Variants in KATNAL2 observed in about 807,000 individuals in gnomAD.
KATNAL2 encodes the protein katanin p60 ATPase-containing subunit A-like 2.
KATNAL2 carries 52 observed loss-of-function variants against 76.3 expected under a neutral mutation model. The ratio of observed to expected loss-of-function variants is 0.68; its 90% CI spans 0.55 to 0.86. KATNAL2 has a LOEUF of 0.86. KATNAL2 is among the 40% of genes least tolerant of loss of function. KATNAL2 has a pLI of 0.00. For missense variants in KATNAL2, 660 were observed against 668.9 expected (o/e 0.99, Z 0.15); for synonymous variants, 243 against 244.2 (o/e 1.00, Z 0.05).
chr18:47,066,374 C>A (rs1415097701), intron 10 of KATNAL2, among the ~76,000 whole-genome samples: 3 of 152,072 alleles, frequency 2.0e-5, no homozygotes, highest in African/African-American at 7.2e-5. Flanking sequence ...ATTGATTATC[C>A]TAGATGGTTG....
At chr18:47,035,216 G>C (rs925004150) in intron 3 of KATNAL2, 1 of 1,612,702 alleles carries the variant, frequency 6.2e-7, no homozygotes, top group Middle Eastern at 2.0e-4. Flanking sequence ...GTGGCCAGAC[G>C]CACCTGCAGC....
rs141165886 is a variant in KATNAL2 at position 47,060,076 on chromosome 18, A to G, written c.549+422A>G. ...TAATGGTGCAATCATGGCTCACTGC[A>G]GCCTCAAACTCCTGGGCTCAAAGAA... On this transcript the variant is annotated intron_variant, in intron 8 of 17. Coordinates refer to ENST00000683218, the MANE Select transcript of KATNAL2 (RefSeq NM_001387690.1). 6.2e-4 allele frequency among the ~76,000 whole-genome samples: 94 copies of G among 150,918 alleles called. 1 individual carries two copies. In the East Asian group the frequency reaches 0.016, roughly 26 times the overall value.
intron 14 of KATNAL2, chr18:47,076,718 G>A (rs1321578695): frequency 6.6e-6 from 1 of 150,804 alleles, no homozygotes; most frequent in African/African-American, 2.4e-5. Context: ...ATAGTTATGG[G>A]CAAATGATAA....
At chr18:46,939,348 AAAAAG>A (rs889592538) in intron 1 of KATNAL2, among the ~76,000 whole-genome samples, 2 of 152,154 alleles carry the variant, frequency 1.3e-5, no homozygotes, top group Middle Eastern at 3.4e-3. Context: ...TAAAAAAAAA[AAAAAG>A]AAAAGAAAAG....
chr18:46,918,723 C>T (rs1289066659), intron 1 of KATNAL2, among the ~76,000 whole-genome samples: 2 of 152,046 alleles, frequency 1.3e-5, no homozygotes, highest in African/African-American at 2.4e-5. Context: ...CACCCGGCCT[C>T]CCCTCAAGTT....
chr18:46,936,044 T>C (rs1241939797), intron 1 of KATNAL2, among the ~76,000 whole-genome samples: 1 of 152,142 alleles, frequency 6.6e-6, no homozygotes, highest in African/African-American at 2.4e-5. Flanking sequence ...CAATTTCAAG[T>C]TTGTATGCAC....
chr18:47,081,526 T>A lies in KATNAL2; in HGVS notation c.1211+4065T>A, dbSNP rs888486981. Among the ~76,000 whole-genome samples the A allele has an allele frequency of 2.6e-5, 4 of 152,214 alleles. No homozygotes were observed. The South Asian group carries it at 8.3e-4, about 32-fold the overall frequency. On this transcript the variant is annotated intron_variant, in intron 15 of 17. Transcript: ENST00000683218. ...ACATCACACCTCAGTTTGGAATAAC[T>A]GGGTTTCAATACCCAAAAGCCACAT...
At chr18:47,052,432 T>C (rs1038816866) in intron 4 of KATNAL2, among the ~76,000 whole-genome samples, 1 of 152,228 alleles carries the variant, frequency 6.6e-6, no homozygotes, top group Non-Finnish European at 1.5e-5. Context: ...TGTGAATTAC[T>C]TCAATGATGG....
Position 46,932,989 on chromosome 18 carries a change from C to T in KATNAL2, c.-509-13068C>T, listed in dbSNP as rs530883351. Among the ~76,000 whole-genome samples the T allele has an allele frequency of 1.1e-3, 169 of 152,180 alleles. 1 individual carries two copies. Among genetic ancestry groups the T allele is most frequent in the African/African-American group, 3.9e-3 (160 of 41,548 alleles). ...TGTTGGCCAGGCTGGTCTCAAACTC[C>T]TGACCTCAGGTGATCCGCCCTCCTC... On this transcript the variant is annotated intron_variant, in intron 1 of 17. Transcript: ENST00000683218.
intron 3 of KATNAL2, among the ~76,000 whole-genome samples, chr18:46,948,203 C>T (rs908984434): frequency 7.2e-5 from 11 of 151,900 alleles, no homozygotes; most frequent in Admixed American, 3.9e-4. Flanking sequence ...CTCCACCTGC[C>T]GGGTTCAAGT....
chr18:47,055,135 C>T (rs999679064), intron 6 of KATNAL2, among the ~76,000 whole-genome samples: 1 of 152,174 alleles, frequency 6.6e-6, no homozygotes, highest in African/African-American at 2.4e-5. Flanking sequence ...GCATTCCTCT[C>T]GCCCCACTCC....
chr18:47,063,289 A>C lies in KATNAL2; in HGVS notation c.654A>C (p.Arg218=), dbSNP rs1325322506. ...CTTTCCGCTCCTCTCATCAGGAACG[A>C]CTGCTGAAACCTCTGAGTGCATTTA... ...TFDHNPDPSE[R]LLKPLSAFIG... is the part of the protein sequence containing the mutation. The change falls in exon 10 of 18, where the codon CGA becomes CGC. Residue 218 remains arginine, a synonymous_variant. Coordinates refer to ENST00000683218, the MANE Select transcript of KATNAL2 (RefSeq NM_001387690.1). 1.2e-6 allele frequency: 2 copies of C among 1,613,464 alleles called. No homozygotes were observed. Among genetic ancestry groups the C allele is most frequent in the Admixed American group, 3.3e-5 (2 of 59,872 alleles).
intron 3 of KATNAL2, among the ~76,000 whole-genome samples, chr18:47,031,375 C>T (rs112207366): frequency 4.0e-5 from 6 of 151,720 alleles, no homozygotes; most frequent in Non-Finnish European, 7.4e-5. Context: ...GGCAGTTTCG[C>T]GTAATTTTTA....
At chr18:47,065,484 C>A (rs899391001) in intron 10 of KATNAL2, among the ~76,000 whole-genome samples, 1 of 151,960 alleles carries the variant, frequency 6.6e-6, no homozygotes, top group African/African-American at 2.4e-5. Context: ...GAACCAATCT[C>A]TTCCATATGC....
At chr18:47,035,036 C>T in intron 3 of KATNAL2, 2 of 1,611,838 alleles carry the variant, frequency 1.2e-6, no homozygotes, top group Non-Finnish European at 1.7e-6. Context: ...TCCACGAGCA[C>T]CAGCTTCTTC....
intron 2 of KATNAL2, 87 bp downstream of exon 2, chr18:46,946,633 T>G: frequency 1.1e-6 from 1 of 889,234 alleles, no homozygotes; most frequent in Non-Finnish European, 1.3e-6. Flanking sequence ...TCTAACAATC[T>G]TCCCTCTTCG....
In KATNAL2 at chr18:47,044,497, G is replaced by A. The variant is rs112501957; in HGVS notation, c.52-1960G>A. Reference sequence around the variant, plus strand: ...ATGATGGCCAGGTGCGGTGGCTCACGCCTGTAATCCCAGCACTTTGGGAGG... The same window carrying A: ...ATGATGGCCAGGTGCGGTGGCTCACACCTGTAATCCCAGCACTTTGGGAGG... On this transcript the variant is annotated intron_variant, in intron 3 of 17. Transcript: ENST00000683218. Among the ~76,000 whole-genome samples, 6 of 152,270 alleles carry A rather than the reference G, an allele frequency of 3.9e-5. 1 individual carries two copies. The highest frequency in any genetic ancestry group is 1.2e-4 in the African/African-American group (5 of 41,540).
intron 8 of KATNAL2, among the ~76,000 whole-genome samples, chr18:47,062,163 C>T (rs897552805): frequency 1.3e-5 from 2 of 151,930 alleles, no homozygotes; most frequent in Non-Finnish European, 2.9e-5. Flanking sequence ...GAGTATAACT[C>T]GAGCTCAGGA....
At chr18:47,034,664 C>A (rs2060671812) in intron 3 of KATNAL2, 4 of 1,613,528 alleles carry the variant, frequency 2.5e-6, no homozygotes, top group Middle Eastern at 1.7e-4. Context: ...CCGCCCTGAG[C>A]CGCGTGAGTG....
Sources: gnomAD v4.1 joint callset for allele counts (sites outside exome capture counted in the v4.1 genomes callset) on GRCh38, gnomAD v4.1.1 for gene constraint, MANE v1.5 for transcripts, NCBI Gene and HGNC (gene_info 2026-07-23, HGNC 2026-07-21) for gene names.